The following PDGFD variants were observed in gnomAD, a reference collection of about 807,000 sequenced individuals.
The protein encoded by PDGFD is platelet-derived growth factor D.
In PDGFD, 30 loss-of-function variants were observed where a neutral mutation model predicts 44.7. The ratio of observed to expected loss-of-function variants is 0.67; its 90% CI spans 0.50 to 0.91. PDGFD has a LOEUF of 0.91. Among genes scored for constraint, PDGFD ranks in the 40% least tolerant of loss-of-function variants. The probability of loss-of-function intolerance (pLI) is 0.00; values close to 1 mark genes in which losing one functional copy is unlikely to be tolerated. For missense variants in PDGFD, 445 were observed against 457.8 expected (o/e 0.97, Z 0.25); for synonymous variants, 173 against 168.4 (o/e 1.03, Z -0.21).
Position 104,033,866 on chromosome 11 carries a change from T to C in PDGFD, c.125-33611A>G, listed in dbSNP as rs1056976818. 3.9e-5 allele frequency among the ~76,000 whole-genome samples: 6 copies of C among 152,190 alleles called. No individual in the cohort carries two copies. The East Asian group carries it at 7.7e-4, about 20-fold the overall frequency. ...GCACTAGTAATCTCTGATAAACTTG[T>C]CAGGGTGCAAAGAACCATAACATAA... is the stretch of plus-strand genomic sequence containing the variant. On this transcript the variant is annotated intron_variant, in intron 1 of 6. Transcript: ENST00000393158.
intron 1 of PDGFD, among the ~76,000 whole-genome samples, chr11:104,007,010 C>T (rs1859712837): frequency 1.3e-5 from 2 of 152,174 alleles, no homozygotes; most frequent in Admixed American, 1.3e-4. Context: ...CCCATTTGGG[C>T]TTTGGGAGTT....
intron 1 of PDGFD, among the ~76,000 whole-genome samples, chr11:104,022,522 T>C (rs1353007975): frequency 6.6e-6 from 1 of 152,026 alleles, no homozygotes; most frequent in Non-Finnish European, 1.5e-5. Context: ...CCCCCTCCAA[T>C]TTCCTAAGGT....
In PDGFD at chr11:104,000,072, T is replaced by G; in HGVS notation, c.308A>C (p.Glu103Ala). The G allele has an allele frequency of 6.2e-7, 1 of 1,614,104 alleles. No individual in the cohort carries two copies. The highest frequency in any genetic ancestry group is 2.2e-5 in the East Asian group (1 of 44,880). The change falls in exon 2 of 7, where the codon GAA becomes GCA. Residue 103 changes from glutamate (E) to alanine (A), a missense_variant. Coordinates refer to ENST00000393158, the MANE Select transcript of PDGFD (RefSeq NM_025208.5). ...TTACCTACAGATATCATTTTCTGCT[T>G]CCTCTAATCCAAACTGATTGTCAAA... ...LVFDNQFGLE[E>A]AENDICRYDF...
At chr11:103,956,232 T>G (rs947654515) in intron 3 of PDGFD, among the ~76,000 whole-genome samples, 4 of 150,436 alleles carry the variant, frequency 2.7e-5, no homozygotes, top group African/African-American at 7.4e-5. Flanking sequence ...CCCACAACAG[T>G]CCCCAGAGCG....
chr11:104,080,550 C>T (rs1042579370), intron 1 of PDGFD, among the ~76,000 whole-genome samples: 20 of 152,170 alleles, frequency 1.3e-4, no homozygotes, highest in Admixed American at 1.1e-3. Context: ...AGTGCTGGAA[C>T]ATTTATTCCT....
In PDGFD at chr11:104,102,146, C is replaced by T. The variant is rs187922160; in HGVS notation, c.124+61658G>A. 7.0e-4 allele frequency among the ~76,000 whole-genome samples: 106 copies of T among 152,298 alleles called. 1 individual carries two copies. The South Asian group carries it at 0.013, about 19-fold the overall frequency. On this transcript the variant is annotated intron_variant, in intron 1 of 6. Transcript: ENST00000393158. The stretch of plus-strand genomic sequence containing the variant: ...ACCATAAGAGAGAACAGGCAACCTA[C>T]AGAATGGGAAAACATTTTTGCAATC...
rs919343154 is a variant in PDGFD at position 103,908,831 on chromosome 11, C to T, written c.*863G>A. 15 of 152,180 alleles carry T rather than the reference C, an allele frequency of 9.9e-5. No individual in the cohort carries two copies. The highest frequency in any genetic ancestry group is 2.9e-4 in the African/African-American group (12 of 41,458). 9.4% of individuals were successfully genotyped at this position (152,180 alleles called of 1,614,324 possible). A position where few individuals can be genotyped will look rare whatever the true frequency, so the allele number is the denominator to read the frequency against. ...AAAGGTTCATACAGAATGCCCATGC[C>T]ATTCTTGAAAGGATTTGCTTTTGTG... is the stretch of plus-strand genomic sequence containing the variant. On this transcript the variant is annotated 3_prime_UTR_variant, in exon 7 of 7. Coordinates refer to ENST00000393158, the MANE Select transcript of PDGFD (RefSeq NM_025208.5).
intron 1 of PDGFD, among the ~76,000 whole-genome samples, chr11:104,094,320 C>A (rs746114846): frequency 2.0e-5 from 3 of 152,032 alleles, no homozygotes; most frequent in Admixed American, 6.6e-5. Context: ...TCCTTGGGGA[C>A]CAATCTTGCC....
intron 1 of PDGFD, among the ~76,000 whole-genome samples, chr11:104,118,510 T>A (rs1009317627): frequency 6.6e-6 from 1 of 151,448 alleles, no homozygotes; most frequent in African/African-American, 2.4e-5. Flanking sequence ...TCCCAATCAG[T>A]ACAATTTTGT....
At chr11:104,014,577 C>T (rs1295286061) in intron 1 of PDGFD, among the ~76,000 whole-genome samples, 3 of 152,106 alleles carry the variant, frequency 2.0e-5, no homozygotes, top group African/African-American at 7.2e-5. Flanking sequence ...ATCTTTTTTT[C>T]AGATGAGTTA....
chr11:103,954,978 A>C lies in PDGFD; in HGVS notation c.511-7254T>G, dbSNP rs1242232418. Among the ~76,000 whole-genome samples, 3 of 150,860 alleles carry C rather than the reference A, an allele frequency of 2.0e-5. No individual in the cohort carries two copies. In the East Asian group the frequency reaches 5.9e-4, roughly 30 times the overall value. ...AGGAGATCGAGACCATCCCGGCTAA[A>C]ACGGTGAAACCCCGTCTCTACTAAA... On this transcript the variant is annotated intron_variant, in intron 3 of 6. Coordinates refer to ENST00000393158, the MANE Select transcript of PDGFD (RefSeq NM_025208.5).
chr11:104,159,609 G>A (rs1251656330), intron 1 of PDGFD, among the ~76,000 whole-genome samples: 4 of 152,104 alleles, frequency 2.6e-5, no homozygotes, highest in East Asian at 1.9e-4. Context: ...AGAGTTCTGC[G>A]TGACATCAAG....
chr11:104,132,491 G>A (rs572351379), intron 1 of PDGFD, among the ~76,000 whole-genome samples: 1 of 151,868 alleles, frequency 6.6e-6, no homozygotes, highest in African/African-American at 2.4e-5. Flanking sequence ...TTTAAGTGGG[G>A]GCTCTTCTTT....
intron 1 of PDGFD, among the ~76,000 whole-genome samples, chr11:104,130,221 G>T (rs931289088): frequency 1.3e-5 from 2 of 152,084 alleles, no homozygotes; most frequent in Admixed American, 6.6e-5. Flanking sequence ...ACATTCTAAG[G>T]TCATTTGTAA....
At chr11:104,035,992 C>T (rs1189876151) in intron 1 of PDGFD, among the ~76,000 whole-genome samples, 1 of 152,162 alleles carries the variant, frequency 6.6e-6, no homozygotes, top group Non-Finnish European at 1.5e-5. Flanking sequence ...AATGTGAGCT[C>T]CTCAAGGGCA....
intron 1 of PDGFD, among the ~76,000 whole-genome samples, chr11:104,134,038 T>C (rs1861964542): frequency 6.6e-6 from 1 of 152,192 alleles, no homozygotes; most frequent in South Asian, 2.1e-4. Flanking sequence ...TGCATTTTAG[T>C]AGCATTAATC....
intron 1 of PDGFD, among the ~76,000 whole-genome samples, chr11:104,050,635 C>G (rs115389360): frequency 6.6e-6 from 1 of 152,088 alleles, no homozygotes; most frequent in Admixed American, 6.5e-5. Flanking sequence ...CTGCTCCACT[C>G]GGAAACACCC....
intron 1 of PDGFD, chr11:104,036,986 T>A: frequency 3.7e-6 from 6 of 1,614,206 alleles, no homozygotes; most frequent in Non-Finnish European, 5.1e-6. Flanking sequence ...CGACTCCTCA[T>A]CGAGGACCAC....
intron 1 of PDGFD, among the ~76,000 whole-genome samples, chr11:104,131,491 T>A (rs1157631682): frequency 6.6e-6 from 1 of 151,608 alleles, no homozygotes; most frequent in Admixed American, 6.6e-5. Context: ...ATTTCCCCCA[T>A]AGCTCCTCCA....
Sources: allele counts gnomAD v4.1 joint callset (sites outside exome capture counted in the v4.1 genomes callset), GRCh38; gene constraint gnomAD v4.1.1; transcripts MANE v1.5; gene names NCBI Gene and HGNC (gene_info 2026-07-23, HGNC 2026-07-21).